Variants in ELK3 observed in about 807,000 individuals in gnomAD.
ELK3 encodes the protein ETS domain-containing protein Elk-3.
ELK3 carries 10 observed loss-of-function variants against 28.9 expected under a neutral mutation model. The observed-to-expected ratio is 0.35, with a 90% CI of 0.21 to 0.59. The LOEUF (loss-of-function observed/expected upper bound fraction) is 0.59, where lower values mean the gene tolerates loss of function less well. Ranked by LOEUF, ELK3 falls within the 20% of genes least tolerant of loss-of-function variation. The probability of loss-of-function intolerance (pLI) is 0.82; values close to 1 mark genes in which losing one functional copy is unlikely to be tolerated. For synonymous variants in ELK3, 272 were observed against 243.5 expected, an observed-to-expected ratio of 1.12 and a Z score of -1.09; for missense variants, 463 against 517.3, an observed-to-expected ratio of 0.90 and a Z score of 1.02.
intron 3 of ELK3, among the ~76,000 whole-genome samples, chr12:96,254,961 G>A (rs71460333): frequency 0.049 from 7,487 of 152,148 alleles, 253 homozygotes; most frequent in Non-Finnish European, 0.064. Flanking sequence ...ATAGCAATAG[G>A]AAGCATTGAA....
chr12:96,244,819 C>T (rs914757490), intron 2 of ELK3, among the ~76,000 whole-genome samples: 27 of 152,140 alleles, frequency 1.8e-4, no homozygotes, highest in Admixed American at 5.2e-4. Context: ...CTGCTGGGAG[C>T]TGATTTTCCT....
intron 3 of ELK3, among the ~76,000 whole-genome samples, chr12:96,258,289 T>C (rs1419873597): frequency 6.6e-6 from 1 of 152,238 alleles, no homozygotes; most frequent in Admixed American, 6.5e-5. Context: ...GTATTTATTC[T>C]AGTAACCTCA....
intron 4 of ELK3, among the ~76,000 whole-genome samples, chr12:96,265,856 T>C (rs1952025413): frequency 6.6e-6 from 1 of 152,218 alleles, no homozygotes; most frequent in South Asian, 2.1e-4. Flanking sequence ...GTTAAAATTC[T>C]AAAGTTCCAG....
intron 4 of ELK3, among the ~76,000 whole-genome samples, chr12:96,260,886 T>C (rs1285654985): frequency 6.6e-6 from 1 of 152,194 alleles, no homozygotes; most frequent in Admixed American, 6.5e-5. Context: ...TGTATTATGA[T>C]TGCCTGTTGA....
chr12:96,196,011 G>A (rs1406907675), intron 1 of ELK3, among the ~76,000 whole-genome samples: 5 of 152,058 alleles, frequency 3.3e-5, no homozygotes, highest in Non-Finnish European at 7.4e-5. Flanking sequence ...GCTGCGGAGA[G>A]GGTTAAAGGG....
At chr12:96,219,118 T>C (rs541162788) in intron 1 of ELK3, among the ~76,000 whole-genome samples, 1 of 152,178 alleles carries the variant, frequency 6.6e-6, no homozygotes, top group Non-Finnish European at 1.5e-5. Flanking sequence ...TAATAATCTA[T>C]CAAACATAAA....
chr12:96,255,182 T>C (rs1428462699), intron 3 of ELK3, among the ~76,000 whole-genome samples: 1 of 150,072 alleles, frequency 6.7e-6, no homozygotes, highest in Non-Finnish European at 1.5e-5. Context: ...GTGGGAGGAG[T>C]GGGGAGAGCC....
chr12:96,210,597 A>ACCCCCCCCCCCC (rs1555193042), intron 1 of ELK3, among the ~76,000 whole-genome samples: 1 of 148,956 alleles, frequency 6.7e-6, no homozygotes, highest in Non-Finnish European at 1.5e-5. Context: ...ACACACACAC[A>ACCCCCCCCCCCC]CCCCGAGTGG....
In ELK3 at chr12:96,243,962, C is replaced by T. The variant is rs745723533; in HGVS notation, c.208-2978C>T. Among the ~76,000 whole-genome samples, 4 of 147,030 alleles carry T rather than the reference C, an allele frequency of 2.7e-5. 1 individual carries two copies. Among genetic ancestry groups the T allele is most frequent in the Middle Eastern group, 7.5e-3 (2 of 268 alleles). The stretch of plus-strand genomic sequence containing the variant: ...CAGAGGTTGCAGTGAGCCGAGATCA[C>T]GCCACTACATTCCAGCCTGGACGAC... On this transcript the variant is annotated intron_variant, in intron 2 of 4. Transcript: ENST00000228741.
At chr12:96,241,598 G>A (rs562173653) in intron 2 of ELK3, among the ~76,000 whole-genome samples, 27 of 152,298 alleles carry the variant, frequency 1.8e-4, no homozygotes, top group Non-Finnish European at 4.0e-4. Context: ...CAGTTAAAGT[G>A]AAATAATTGA....
At chr12:96,201,202 G>A (rs529050414) in intron 1 of ELK3, among the ~76,000 whole-genome samples, 4 of 152,134 alleles carry the variant, frequency 2.6e-5, no homozygotes, top group South Asian at 4.1e-4. Flanking sequence ...CCTGATATCC[G>A]CAAAATATTT....
intron 2 of ELK3, among the ~76,000 whole-genome samples, chr12:96,242,452 C>T (rs1271840180): frequency 6.6e-6 from 1 of 152,226 alleles, no homozygotes; most frequent in Non-Finnish European, 1.5e-5. Context: ...ATAATACGTG[C>T]TCAGCACATA....
chr12:96,202,166 C>T (rs1283460092), intron 1 of ELK3, among the ~76,000 whole-genome samples: 5 of 152,204 alleles, frequency 3.3e-5, no homozygotes, highest in Non-Finnish European at 7.3e-5. Context: ...CCTTTCAAAA[C>T]ACAGATCTGA....
intron 2 of ELK3, among the ~76,000 whole-genome samples, chr12:96,226,534 G>A (rs561718152): frequency 1.3e-5 from 2 of 148,160 alleles, no homozygotes; most frequent in African/African-American, 5.0e-5. Context: ...ATGTCCACAT[G>A]TCCACACAGA....
chr12:96,244,845 C>T (rs1436587164), intron 2 of ELK3, among the ~76,000 whole-genome samples: 1 of 152,254 alleles, frequency 6.6e-6, no homozygotes, highest in South Asian at 2.1e-4. Flanking sequence ...TGTTCTGACC[C>T]AGGGCACTCG....
chr12:96,226,551 CAT>C (rs1358440694), intron 2 of ELK3, among the ~76,000 whole-genome samples: 2 of 150,178 alleles, frequency 1.3e-5, no homozygotes, highest in African/African-American at 5.0e-5. Context: ...CAGATGTCCA[CAT>C]GTGCACACCC....
chr12:96,208,881 G>T (rs1340914971), intron 1 of ELK3, among the ~76,000 whole-genome samples: 1 of 152,266 alleles, frequency 6.6e-6, no homozygotes, highest in Non-Finnish European at 1.5e-5. Context: ...AGGGAAAGGG[G>T]AAGGTGCACA....
intron 3 of ELK3, among the ~76,000 whole-genome samples, chr12:96,249,270 A>T (rs926154845): frequency 6.6e-6 from 1 of 152,208 alleles, no homozygotes; most frequent in Non-Finnish European, 1.5e-5. Context: ...ATGGCCGTCC[A>T]TGGAGCACCT....
rs559100969 is a variant in ELK3 at position 96,201,538 on chromosome 12, G to A, written c.-3+6833G>A. On this transcript the variant is annotated intron_variant, in intron 1 of 4. Coordinates refer to ENST00000228741, the MANE Select transcript of ELK3 (RefSeq NM_005230.4). ...CAAGGCTGCAGTGAACCATGATTGC[G>A]CCACTACACTCCAGCCTGGGTAACA... Among the ~76,000 whole-genome samples the A allele has an allele frequency of 2.2e-3, 304 of 139,194 alleles. 3 individuals carry two copies. Among genetic ancestry groups the A allele is most frequent in the African/African-American group, 7.8e-3 (285 of 36,666 alleles). 91.3% of individuals were successfully genotyped at this position (139,194 alleles called of 152,430 possible). A position where few individuals can be genotyped will look rare whatever the true frequency, so the allele number is the denominator to read the frequency against.
Sources: gnomAD v4.1 joint callset for allele counts (sites outside exome capture counted in the v4.1 genomes callset) on GRCh38, gnomAD v4.1.1 for gene constraint, MANE v1.5 for transcripts, NCBI Gene and HGNC (gene_info 2026-07-23, HGNC 2026-07-21) for gene names.